ABCA8: variants seen among roughly 807,000 people sequenced by gnomAD.
ABCA8 encodes ABC-type organic anion transporter ABCA8.
ABCA8 carries 177 observed loss-of-function variants against 192.3 expected under a neutral mutation model. The ratio of observed to expected loss-of-function variants is 0.92; its 90% CI spans 0.81 to 1.04. The LOEUF is 1.04. Among genes scored for constraint, ABCA8 ranks in the 50% least tolerant of loss-of-function variants. The pLI is 0.00. For missense variants in ABCA8, 1,915 were observed against 1,904.8 expected (o/e 1.01, Z -0.10); for synonymous variants, 642 against 690.2 (o/e 0.93, Z 1.09).
rs1374001244 is a variant in ABCA8, at chr17:68,887,901, T to TCC, written c.3145-396_3145-395insGG. On this transcript the variant is annotated intron_variant, in intron 24 of 39. Coordinates refer to ENST00000586539, the MANE Select transcript of ABCA8 (RefSeq NM_001288985.2). ...TCCTCCATATATATATATATATATA[T>TCC]ATATATCCATATATATATATATATT... 7.1e-5 allele frequency among the ~76,000 whole-genome samples: 4 copies of TCC among 56,192 alleles called. No homozygotes were observed. In the South Asian group the frequency reaches 2.0e-3, roughly 28 times the overall value. The allele number at this position is 56,192 out of a possible 152,430, so 36.9% of individuals were successfully genotyped here.
At chr17:68,954,042 T>C (rs1056457157) in intron 1 of ABCA8, among the ~76,000 whole-genome samples, 3 of 150,304 alleles carry the variant, frequency 2.0e-5, no homozygotes, top group Non-Finnish European at 4.4e-5. Flanking sequence ...TTTTTTTTCG[T>C]TTTATTATTA....
chr17:68,885,996 G>T (rs2066451102), intron 26 of ABCA8, among the ~76,000 whole-genome samples: 2 of 152,128 alleles, frequency 1.3e-5, no homozygotes, highest in African/African-American at 4.8e-5. Flanking sequence ...TACCAATGGG[G>T]AAATAGAAGC....
Position 68,903,822 on chromosome 17 carries a change from T to C in ABCA8, c.2399-323A>G, listed in dbSNP as rs1021341117. 2.5e-4 allele frequency among the ~76,000 whole-genome samples: 38 copies of C among 152,078 alleles called. 1 individual carries two copies. Among genetic ancestry groups the C allele is most frequent in the African/African-American group, 8.9e-4 (37 of 41,404 alleles). ...CTTACATGTTCAATGAAGCTACAAA[T>C]TGACATGCTCTGAACAGGGAGTAAA... On this transcript the variant is annotated intron_variant, in intron 19 of 39. Coordinates refer to ENST00000586539, the MANE Select transcript of ABCA8 (RefSeq NM_001288985.2).
chr17:68,920,235 CA>C (rs2067497106), intron 13 of ABCA8, among the ~76,000 whole-genome samples: 1 of 151,988 alleles, frequency 6.6e-6, no homozygotes, highest in Non-Finnish European at 1.5e-5. Flanking sequence ...AAATCACAGA[CA>C]CTGGGGTCTA....
chr17:68,918,322 T>C lies in ABCA8; in HGVS notation c.1908+105A>G, dbSNP rs1413956339. 1.6e-5 allele frequency: 23 copies of C among 1,474,142 alleles called. No individual in the cohort carries two copies. The East Asian group carries it at 4.9e-4, about 32-fold the overall frequency. 91.3% of individuals were successfully genotyped at this position (1,474,142 alleles called of 1,614,324 possible). On this transcript the variant is annotated intron_variant, in intron 15 of 39. Coordinates refer to ENST00000586539, the MANE Select transcript of ABCA8 (RefSeq NM_001288985.2). ...AGATACTCTATTTAATGTTCTATTATGAATATTTTATAACACATGTCCTTT... is the reference window on the plus strand; with the variant it reads ...AGATACTCTATTTAATGTTCTATTACGAATATTTTATAACACATGTCCTTT...
At chr17:68,897,223 T>A (rs2066787788) in intron 21 of ABCA8, among the ~76,000 whole-genome samples, 1 of 151,980 alleles carries the variant, frequency 6.6e-6, no homozygotes, top group South Asian at 2.1e-4. Flanking sequence ...AATGGAGAGG[T>A]CAGGAAAAGA....
intron 27 of ABCA8, chr17:68,884,611 C>T: frequency 8.1e-7 from 1 of 1,238,498 alleles, no homozygotes; most frequent in Non-Finnish European, 1.0e-6. Flanking sequence ...TTACTAATCA[C>T]CTGGCGAGAG....
chr17:68,930,171 A>G (rs2067821903), intron 7 of ABCA8, among the ~76,000 whole-genome samples: 1 of 152,178 alleles, frequency 6.6e-6, no homozygotes, highest in Non-Finnish European at 1.5e-5. Context: ...GCACTGTCTT[A>G]ATACAGGGTA....
intron 19 of ABCA8, among the ~76,000 whole-genome samples, chr17:68,904,508 G>T (rs1347863921): frequency 6.6e-6 from 1 of 152,010 alleles, no homozygotes; most frequent in Non-Finnish European, 1.5e-5. Flanking sequence ...GAAGATTCCT[G>T]TGGAAGCTTT....
rs187610484 is a variant in ABCA8 at position 68,868,279 on chromosome 17, C to T, written c.4767+22G>A. 3.7e-4 allele frequency: 602 copies of T among 1,611,704 alleles called. 2 individuals carry two copies. The highest frequency in any genetic ancestry group is 2.2e-3 in the African/African-American group (164 of 74,950). ...TTATACACATATACCATGGATGATA[C>T]GAATCCCTAAAAATGACCCACCTGC... is the stretch of plus-strand genomic sequence containing the variant. On this transcript the variant is annotated intron_variant, in intron 39 of 39. Coordinates refer to ENST00000586539, the MANE Select transcript of ABCA8 (RefSeq NM_001288985.2).
intron 19 of ABCA8, among the ~76,000 whole-genome samples, chr17:68,903,998 T>C (rs1426325772): frequency 6.6e-6 from 1 of 152,150 alleles, no homozygotes; most frequent in Non-Finnish European, 1.5e-5. Flanking sequence ...CATTGTATAA[T>C]GCTAAAATAA....
At chr17:68,936,686 CTA>C (rs890156374) in intron 5 of ABCA8, among the ~76,000 whole-genome samples, 3 of 151,946 alleles carry the variant, frequency 2.0e-5, no homozygotes, top group Non-Finnish European at 4.4e-5. Context: ...CATATAATAT[CTA>C]TGTGTGTACA....
At chr17:68,903,038 C>G (rs995792896) in intron 20 of ABCA8, among the ~76,000 whole-genome samples, 159 bp from the exon 21 acceptor site, 1 of 152,156 alleles carries the variant, frequency 6.6e-6, no homozygotes, top group Non-Finnish European at 1.5e-5. Context: ...ACTCCAAATT[C>G]AAGATGTTAA....
intron 6 of ABCA8, 66 bp from the exon 7 acceptor site, chr17:68,932,580 A>G (rs1011566488): frequency 2.3e-5 from 28 of 1,193,074 alleles, no homozygotes; most frequent in Middle Eastern, 2.3e-4. Context: ...TCTTTTAACC[A>G]TCTATTTTCT....
chr17:68,940,718 T>C (rs1235194914), intron 4 of ABCA8, 40 bp downstream of exon 4: 1 of 1,548,064 alleles, frequency 6.5e-7, no homozygotes, highest in Non-Finnish European at 8.9e-7. Flanking sequence ...AAACCAAATA[T>C]TCACACCAGA....
chr17:68,929,632 A>T lies in ABCA8; in HGVS notation c.868T>A (p.Ser290Thr). 1 of 1,613,848 alleles carries T rather than the reference A, an allele frequency of 6.2e-7. No individual in the cohort carries two copies. Among genetic ancestry groups the T allele is most frequent in the Non-Finnish European group, 8.5e-7 (1 of 1,179,802 alleles). ...CCAGACAAAATGATAAACTGGGTAG[A>T]TCTTATAACAAGTGCCAAGAAAAGG... The part of the protein sequence containing the change: ...MALFLALVIR[S>T]TQFIILSGFM... Residue 290 changes from serine (S) to threonine (T), a missense_variant, in exon 8 of 40, where the codon TCT becomes ACT. Transcript: ENST00000586539.
chr17:68,924,903 A>T (rs754712310), intron 10 of ABCA8, 34 bp from the exon 11 acceptor site: 2 of 1,604,948 alleles, frequency 1.2e-6, no homozygotes, highest in Non-Finnish European at 8.5e-7. Context: ...ATATTGGGTC[A>T]ATGACCACGT....
In ABCA8 at chr17:68,867,934, C is replaced by T. The variant is rs188871240; in HGVS notation, c.*151G>A. ...TGCCTCTGTCCACACTGACATGGCA[C>T]TTACCCAGCACCCGAACCTCCTCCT... is the stretch of plus-strand genomic sequence containing the variant. On this transcript the variant is annotated 3_prime_UTR_variant, in exon 40 of 40. Transcript: ENST00000586539. 1.6e-6 allele frequency: 1 copy of T among 640,270 alleles called. No homozygotes were observed. Among genetic ancestry groups the T allele is most frequent in the East Asian group, 2.8e-5 (1 of 36,010 alleles). 39.7% of individuals were successfully genotyped at this position (640,270 alleles called of 1,614,324 possible). A position where few individuals can be genotyped will look rare whatever the true frequency, so the allele number is the denominator to read the frequency against.
intron 8 of ABCA8, 80 bp from the exon 9 acceptor site, chr17:68,929,314 A>C: frequency 1.6e-6 from 2 of 1,223,638 alleles, no homozygotes; most frequent in Non-Finnish European, 2.2e-6. Flanking sequence ...ACAAAATTAT[A>C]GTTATTTTGT....
Sources: gnomAD v4.1 joint callset for allele counts (sites outside exome capture counted in the v4.1 genomes callset) on GRCh38, gnomAD v4.1.1 for gene constraint, MANE v1.5 for transcripts, NCBI Gene and HGNC (gene_info 2026-07-23, HGNC 2026-07-21) for gene names.